Variants in CNBD2 observed in about 807,000 individuals in gnomAD.
The protein encoded by CNBD2 is cyclic nucleotide-binding domain-containing protein 2.
CNBD2 carries 64 observed loss-of-function variants against 63.7 expected under a neutral mutation model. That is an observed-to-expected ratio of 1.00 (90% CI 0.82 to 1.24). CNBD2 has a LOEUF of 1.24. CNBD2 is among the 50% of genes most tolerant of loss of function. The probability of loss-of-function intolerance (pLI) is 0.00; values close to 1 mark genes in which losing one functional copy is unlikely to be tolerated. For synonymous variants in CNBD2, 229 were observed against 255.4 expected (o/e 0.90, Z 0.99); for missense variants, 691 against 713.5 (o/e 0.97, Z 0.36).
chr20:35,977,436 G>A (rs765837354), intron 3 of CNBD2, among the ~76,000 whole-genome samples: 17 of 152,298 alleles, frequency 1.1e-4, no homozygotes, highest in African/African-American at 2.6e-4. Flanking sequence ...TTGGGAGGCC[G>A]AGGCAGGAAG....
intron 10 of CNBD2, among the ~76,000 whole-genome samples, chr20:36,011,641 G>A (rs2057063038): frequency 6.6e-6 from 1 of 152,144 alleles, no homozygotes; most frequent in Non-Finnish European, 1.5e-5. Flanking sequence ...GAAAGTCCTA[G>A]CTAGTCCATT....
intron 10 of CNBD2, among the ~76,000 whole-genome samples, chr20:36,020,271 T>C (rs2590985): frequency 0.42 from 63,054 of 151,864 alleles, 18,942 homozygotes; most frequent in African/African-American, 0.86. Context: ...TTAATAGAGA[T>C]GGGGTTTCAC....
intron 10 of CNBD2, among the ~76,000 whole-genome samples, chr20:36,015,930 C>T (rs1305296755): frequency 6.6e-6 from 1 of 152,064 alleles, no homozygotes; most frequent in African/African-American, 2.4e-5. Context: ...CCAAAGAGTA[C>T]AGTATGGCAA....
intron 10 of CNBD2, among the ~76,000 whole-genome samples, chr20:36,022,058 G>A (rs2057217197): frequency 6.6e-6 from 1 of 151,506 alleles, no homozygotes; most frequent in African/African-American, 2.4e-5. Flanking sequence ...ACCCAGGCTG[G>A]AGTGCAGTGG....
intron 10 of CNBD2, among the ~76,000 whole-genome samples, chr20:36,020,481 A>C (rs1274942609): frequency 1.3e-5 from 2 of 152,210 alleles, no homozygotes; most frequent in Non-Finnish European, 2.9e-5. Context: ...AATGGGTTAT[A>C]GATGCAAAAA....
intron 2 of CNBD2, among the ~76,000 whole-genome samples, chr20:35,975,220 C>G (rs2056489763): frequency 7.3e-6 from 1 of 136,214 alleles, no homozygotes; most frequent in African/African-American, 2.9e-5. Context: ...CCAGGATGGT[C>G]TCGATCTCCT....
intron 8 of CNBD2, among the ~76,000 whole-genome samples, chr20:36,003,364 T>C (rs2056942828): frequency 6.6e-6 from 1 of 152,220 alleles, no homozygotes; most frequent in Admixed American, 6.5e-5. Flanking sequence ...TTTTGAGTAC[T>C]GCATATTTTT....
At chr20:35,998,454 A>G (rs938232075) in intron 8 of CNBD2, among the ~76,000 whole-genome samples, 23 of 152,216 alleles carry the variant, frequency 1.5e-4, no homozygotes, top group African/African-American at 5.1e-4. Context: ...TTTCATTTGC[A>G]TTTGAAAAAA....
chr20:35,980,019 G>A (rs1473501132), intron 3 of CNBD2, among the ~76,000 whole-genome samples: 1 of 152,170 alleles, frequency 6.6e-6, no homozygotes, highest in African/African-American at 2.4e-5. Flanking sequence ...GTCTCTGGAA[G>A]GTTCACTTTG....
At chr20:35,990,525 G>T (rs2056731072) in intron 7 of CNBD2, among the ~76,000 whole-genome samples, 1 of 152,102 alleles carries the variant, frequency 6.6e-6, no homozygotes, top group Non-Finnish European at 1.5e-5. Context: ...GCTACTTGGA[G>T]GCTGAGGCAG....
At chr20:36,016,293 T>C (rs2057131379) in intron 10 of CNBD2, among the ~76,000 whole-genome samples, 2 of 152,098 alleles carry the variant, frequency 1.3e-5, no homozygotes, top group South Asian at 2.1e-4. Context: ...CTGGATAAGA[T>C]AGTGGAATAG....
At chr20:35,966,788 C>G (rs1330920866), upstream of CNBD2, among the ~76,000 whole-genome samples, 1 of 152,158 alleles carries the variant, frequency 6.6e-6, no homozygotes, top group Non-Finnish European at 1.5e-5. Flanking sequence ...CTAGAAGCCT[C>G]CCGCTGTAAC....
At chr20:35,994,483 C>T (rs947515921) in intron 7 of CNBD2, among the ~76,000 whole-genome samples, 7 of 150,810 alleles carry the variant, frequency 4.6e-5, no homozygotes, top group Admixed American at 1.3e-4. Flanking sequence ...GCTGGGATTA[C>T]AGTCCGTGAG....
At chr20:35,965,444 T>C (rs1350337593), upstream of CNBD2, among the ~76,000 whole-genome samples, 1 of 152,152 alleles carries the variant, frequency 6.6e-6, no homozygotes, top group East Asian at 1.9e-4. Context: ...TCCCAAAGTG[T>C]TGGGATTGCA....
At chr20:35,956,942 G>A (rs574745434), downstream of CNBD2, among the ~76,000 whole-genome samples, 1 of 152,280 alleles carries the variant, frequency 6.6e-6, no homozygotes, top group South Asian at 2.1e-4. Flanking sequence ...CTGGAGAAGG[G>A]GTGAGAGATG....
intron 10 of CNBD2, among the ~76,000 whole-genome samples, chr20:36,015,991 G>A (rs1319137843): frequency 6.6e-6 from 1 of 152,216 alleles, no homozygotes; most frequent in South Asian, 2.1e-4. Flanking sequence ...AACACAGCCA[G>A]ATCATCAAGG....
chr20:36,023,548 T>C, intron 10 of CNBD2, 54 bp from the exon 11 acceptor site: 2 of 1,374,976 alleles, frequency 1.5e-6, no homozygotes, highest in Non-Finnish European at 9.7e-7. Flanking sequence ...AATGAAAATC[T>C]GCGGGCAGAC....
At chr20:35,989,502 G>A (rs1260346842) in intron 7 of CNBD2, among the ~76,000 whole-genome samples, 3 of 152,176 alleles carry the variant, frequency 2.0e-5, no homozygotes, top group Admixed American at 6.5e-5. Flanking sequence ...AAAGGCTGGA[G>A]GCTTTAAGAA....
intron 10 of CNBD2, among the ~76,000 whole-genome samples, chr20:36,011,508 A>AACCCTGTCTCTACT (rs2057061460): frequency 6.6e-6 from 1 of 152,122 alleles, no homozygotes; most frequent in Admixed American, 6.5e-5. Context: ...AACATGGTGA[A>AACCCTGTCTCTACT]ACCCTGTCTC....
Sources: gnomAD v4.1 joint callset for allele counts (sites outside exome capture counted in the v4.1 genomes callset) on GRCh38, gnomAD v4.1.1 for gene constraint, MANE v1.5 for transcripts, NCBI Gene and HGNC (gene_info 2026-07-23, HGNC 2026-07-21) for gene names.